RIMBP2: variants seen among roughly 807,000 people sequenced by gnomAD.
RIMBP2 encodes the protein RIMS-binding protein 2.
RIMBP2 carries 48 observed loss-of-function variants against 118.6 expected under a neutral mutation model. The observed-to-expected ratio is 0.40, with a 90% CI of 0.32 to 0.51. RIMBP2 has a LOEUF of 0.51. Ranked by LOEUF, RIMBP2 falls within the 20% of genes least tolerant of loss-of-function variation. The pLI is 0.41. For missense variants in RIMBP2, 1,551 were observed against 1,768.3 expected (o/e 0.88, Z 2.20); for synonymous variants, 762 against 742.9 (o/e 1.03, Z -0.42).
At chr12:130,580,026 T>TCC (rs1555297670) in intron 2 of RIMBP2, among the ~76,000 whole-genome samples, 1 of 16,402 alleles carries the variant, frequency 6.1e-5, no homozygotes, top group Non-Finnish European at 1.3e-4. Context: ...CTACCAAAAA[T>TCC]ACAAAAAAAA....
rs1412935001 is a variant in RIMBP2, at chr12:130,620,341, T to C, written c.-217+7981A>G. Among the ~76,000 whole-genome samples, 3 of 152,110 alleles carry C rather than the reference T, an allele frequency of 2.0e-5. No homozygotes were observed. The highest frequency in any genetic ancestry group is 4.4e-5 in the Non-Finnish European group (3 of 68,016). ...GCGGGTCATCCTGCAGCTCTCCTCCTCCCTGAGGCTCCCAATCCCTGATGC... is the reference window on the plus strand; with the variant it reads ...GCGGGTCATCCTGCAGCTCTCCTCCCCCCTGAGGCTCCCAATCCCTGATGC... On this transcript the variant is annotated intron_variant, in intron 2 of 22. Coordinates refer to ENST00000690449, the MANE Select transcript of RIMBP2 (RefSeq NM_001393629.1). The surrounding 1 kb of genome is among the most constrained non-coding windows in gnomAD (Gnocchi z 5.3).
At chr12:130,453,862 TG>T in intron 7 of RIMBP2, among the ~76,000 whole-genome samples, 1 of 152,186 alleles carries the variant, frequency 6.6e-6, no homozygotes, top group Non-Finnish European at 1.5e-5. Flanking sequence ...AAGACCAGCC[TG>T]AACAACATGG....
intron 12 of RIMBP2, 30 bp downstream of exon 12, chr12:130,438,335 A>AACCAC: frequency 1.5e-5 from 13 of 864,980 alleles, no homozygotes; most frequent in Admixed American, 1.8e-5. Flanking sequence ...GGCCTAACAA[A>AACCAC]CCCTCCCCAC....
chr12:130,484,305 C>T (rs1049262906), intron 4 of RIMBP2, among the ~76,000 whole-genome samples: 3 of 152,182 alleles, frequency 2.0e-5, no homozygotes, highest in African/African-American at 7.2e-5. Flanking sequence ...CTGGCTTTCG[C>T]GCTGTTTCTA....
intron 2 of RIMBP2, among the ~76,000 whole-genome samples, chr12:130,573,675 A>T (rs576776323): frequency 1.2e-3 from 184 of 152,228 alleles, no homozygotes; most frequent in African/African-American, 4.2e-3. Context: ...TCTGGTCCTC[A>T]GTGACAGGGG....
At chr12:130,588,862 G>A (rs1055103008) in intron 2 of RIMBP2, among the ~76,000 whole-genome samples, 3 of 152,238 alleles carry the variant, frequency 2.0e-5, no homozygotes, top group African/African-American at 7.2e-5. Flanking sequence ...GTTATCTGAT[G>A]TAGACTGTGC....
At chr12:130,513,386 A>G (rs1335402991) in intron 3 of RIMBP2, among the ~76,000 whole-genome samples, 1 of 152,202 alleles carries the variant, frequency 6.6e-6, no homozygotes, top group African/African-American at 2.4e-5. Context: ...CTGTTTCAAA[A>G]TAGATTCTTG....
chr12:130,519,105 C>A (rs1052409850), intron 2 of RIMBP2, among the ~76,000 whole-genome samples: 13 of 152,312 alleles, frequency 8.5e-5, no homozygotes, highest in African/African-American at 2.9e-4. Context: ...TCTGTTCACA[C>A]CCTAAATAAA....
Position 130,442,684 on chromosome 12 carries a change from A to G in RIMBP2, c.692-24T>C. ...TCCTGTTGGGTACAAGGACAGAGTT[A>G]TCACCCAGCCAACACAGCAGGGGCC... is the stretch of plus-strand genomic sequence containing the variant. On this transcript the variant is annotated intron_variant, in intron 10 of 22. Coordinates refer to ENST00000690449, the MANE Select transcript of RIMBP2 (RefSeq NM_001393629.1). The surrounding 1 kb of genome is among the most constrained non-coding windows in gnomAD (Gnocchi z 6.9). The G allele has an allele frequency of 1.9e-6, 3 of 1,597,496 alleles. No individual in the cohort carries two copies. Among genetic ancestry groups the G allele is most frequent in the Non-Finnish European group, 2.6e-6 (3 of 1,169,320 alleles).
In RIMBP2 at chr12:130,452,051, G is replaced by C. The variant is rs565637550; in HGVS notation, c.359-711C>G. Among the ~76,000 whole-genome samples the C allele has an allele frequency of 3.9e-5, 6 of 152,324 alleles. 1 individual carries two copies. The East Asian group carries it at 1.2e-3, about 29-fold the overall frequency. ...CTGGTTGCCTGGAAGGGAGCATTGA[G>C]CAACGTGACTAACGCTGGCCTGGGT... On this transcript the variant is annotated intron_variant, in intron 7 of 22. Coordinates refer to ENST00000690449, the MANE Select transcript of RIMBP2 (RefSeq NM_001393629.1).
At chr12:130,700,826 A>G (rs572107392) in intron 1 of RIMBP2, among the ~76,000 whole-genome samples, 18 of 152,288 alleles carry the variant, frequency 1.2e-4, no homozygotes, top group African/African-American at 4.3e-4. Flanking sequence ...CACAACAAGC[A>G]CCTTGTGAGC....
chr12:130,643,309 T>C (rs866871455), intron 1 of RIMBP2, among the ~76,000 whole-genome samples: 107 of 152,268 alleles, frequency 7.0e-4, no homozygotes, highest in South Asian at 4.1e-4. Context: ...GTGATGTGTG[T>C]GGAGCATATG....
intron 18 of RIMBP2, among the ~76,000 whole-genome samples, chr12:130,413,179 A>G (rs982214191): frequency 6.6e-6 from 1 of 152,172 alleles, no homozygotes; most frequent in Non-Finnish European, 1.5e-5. Flanking sequence ...TTCCTACGTA[A>G]CAAGATAGTG....
At position 130,396,872 on chromosome 12, in the gene RIMBP2, A is replaced by G. The variant is rs1391480602; in HGVS notation, c.*489T>C. 6.6e-6 allele frequency: 1 copy of G among 152,608 alleles called. No individual in the cohort carries two copies. Among genetic ancestry groups the G allele is most frequent in the East Asian group, 1.9e-4 (1 of 5,196 alleles). 9.5% of individuals were successfully genotyped at this position (152,608 alleles called of 1,614,324 possible). A position where few individuals can be genotyped will look rare whatever the true frequency, so the allele number is the denominator to read the frequency against. On this transcript the variant is annotated 3_prime_UTR_variant, in exon 23 of 23. Coordinates refer to ENST00000690449, the MANE Select transcript of RIMBP2 (RefSeq NM_001393629.1). ...AATGCACGACACATACAAAGTATAC[A>G]CTGTTTTTATTAGACAGTACAAATC...
At chr12:130,488,952 G>C (rs1430176490) in intron 4 of RIMBP2, among the ~76,000 whole-genome samples, 1 of 145,478 alleles carries the variant, frequency 6.9e-6, no homozygotes. Flanking sequence ...ATAGACACTG[G>C]TGGATGGGCT....
Position 130,688,738 on chromosome 12 carries a change from C to T in RIMBP2, c.-352+27484G>A, listed in dbSNP as rs1220880833. 6.6e-6 allele frequency among the ~76,000 whole-genome samples: 1 copy of T among 152,216 alleles called. No homozygotes were observed. Among genetic ancestry groups the T allele is most frequent in the Non-Finnish European group, 1.5e-5 (1 of 68,040 alleles). On this transcript the variant is annotated intron_variant, in intron 1 of 22. Transcript: ENST00000690449. The surrounding 1 kb of genome is among the most constrained non-coding windows in gnomAD (Gnocchi z 4.7). ...AGACCCCAAAACAGAGGCCACATGG[C>T]CCCCTTGGGGCTCATACAGAGACAC...
chr12:130,417,845 T>C (rs1004113884), intron 17 of RIMBP2, among the ~76,000 whole-genome samples: 2 of 150,886 alleles, frequency 1.3e-5, no homozygotes, highest in Non-Finnish European at 2.9e-5. Context: ...CATATGTGTA[T>C]ATATGTATGG....
At chr12:130,652,296 G>T (rs1250865560) in intron 1 of RIMBP2, among the ~76,000 whole-genome samples, 1 of 152,204 alleles carries the variant, frequency 6.6e-6, no homozygotes, top group African/African-American at 2.4e-5. Context: ...ATCTATGGCT[G>T]CCTTAGTATA....
intron 3 of RIMBP2, among the ~76,000 whole-genome samples, chr12:130,509,251 T>A (rs1305035319): frequency 6.6e-6 from 1 of 151,998 alleles, no homozygotes; most frequent in African/African-American, 2.4e-5. Context: ...CTTCTGGGAG[T>A]CGGAATTTCA....
Sources: gnomAD v4.1 joint callset for allele counts (sites outside exome capture counted in the v4.1 genomes callset) on GRCh38, gnomAD v4.1.1 for gene constraint, Gnocchi (gnomAD v3.1) non-coding constraint, MANE v1.5 for transcripts, NCBI Gene and HGNC (gene_info 2026-07-23, HGNC 2026-07-21) for gene names.